CROCC: variants seen among roughly 807,000 people sequenced by gnomAD.
CROCC encodes ciliary rootlet coiled-coil, rootletin, also known as rootletin.
CROCC carries 180 observed loss-of-function variants against 245.2 expected under a neutral mutation model. That is an observed-to-expected ratio of 0.73 (90% confidence interval 0.65 to 0.83). The LOEUF is 0.83. Among genes scored for constraint, CROCC ranks in the 40% least tolerant of loss-of-function variants. CROCC has a pLI of 0.00. For missense variants in CROCC, 2,688 were observed against 2,779.4 expected, an observed-to-expected ratio of 0.97 and a Z score of 0.74; for synonymous variants, 1,205 against 1,241.6, an observed-to-expected ratio of 0.97 and a Z score of 0.62.
chr1:16,956,022 G>A lies in CROCC; in HGVS notation c.3730G>A (p.Glu1244Lys), dbSNP rs1314929249. Residue 1244 changes from glutamate (E) to lysine (K), a missense_variant, in exon 25 of 37, where the codon GAG becomes AAG. Coordinates refer to ENST00000375541, the MANE Select transcript of CROCC (RefSeq NM_014675.5). ...CCTGAAGCTTGCCAATGAGGACAAG[G>A]AGCAGAAGCTGGCACTCCTAGAGGA... ...ISLKLANEDK[E>K]QKLALLEEAR... The A allele has an allele frequency of 1.3e-6, 2 of 1,550,802 alleles. No homozygotes were observed. Among genetic ancestry groups the A allele is most frequent in the African/African-American group, 2.7e-5 (2 of 73,038 alleles).
intron 14 of CROCC, 97 bp from the exon 15 acceptor site, chr1:16,945,365 T>A: frequency 6.4e-7 from 1 of 1,556,090 alleles, no homozygotes; most frequent in Non-Finnish European, 8.7e-7. Context: ...TCCAAACTCC[T>A]GCCTCAGGCC....
rs971670313 is a variant in CROCC at position 16,960,762 on chromosome 1, A to G, written c.4037A>G (p.Gln1346Arg). 1.4e-5 allele frequency: 22 copies of G among 1,529,290 alleles called. No homozygotes were observed. Among genetic ancestry groups the G allele is most frequent in the Middle Eastern group, 2.3e-4 (1 of 4,304 alleles). 94.7% of individuals were successfully genotyped at this position (1,529,290 alleles called of 1,614,324 possible). A position where few individuals can be genotyped will look rare whatever the true frequency, so the allele number is the denominator to read the frequency against. The change falls in exon 27 of 37, where the codon CAG becomes CGG. Residue 1346 changes from glutamine (Q) to arginine (R), a missense_variant. By Grantham distance (43) the Gln-to-Arg change is conservative. Transcript: ENST00000375541. ...CACCTCCTGGCATCACTCCAGCTCCAGGTAGCCCAGCGGAAGCTGCAGGAA... is the reference window on the plus strand; with the variant it reads ...CACCTCCTGGCATCACTCCAGCTCCGGGTAGCCCAGCGGAAGCTGCAGGAA... ...ASLEVMRQEL[Q>R]VAQRKLQEQE...
chr1:16,938,359 C>G, intron 10 of CROCC, 41 bp from the exon 11 acceptor site: 1 of 1,525,016 alleles, frequency 6.6e-7, no homozygotes, highest in Non-Finnish European at 8.9e-7. Context: ...TCAGATAAGA[C>G]AGAACCCCAA....
chr1:16,967,057 AAG>A (rs1473056112), intron 30 of CROCC, among the ~76,000 whole-genome samples: 1 of 81,320 alleles, frequency 1.2e-5, no homozygotes, highest in Non-Finnish European at 3.2e-5. Context: ...TAAAAAAGAA[AAG>A]AAAAAAAAAA....
rs1318964698 is a variant in CROCC at position 16,966,563 on chromosome 1, G to T, written c.4852G>T (p.Ala1618Ser). ...SLQATESELR[A>S]SQEKISKMKA... ...GCAGGCCACCGAGAGCGAGCTCCGG[G>T]CCAGCCAGGTGGGCAGGAGCTGAGG... Residue 1618 changes from alanine (A) to serine (S), a missense_variant, in exon 30 of 37, where the codon GCC becomes TCC. By Grantham distance (99) the Ala-to-Ser change is moderately conservative. Coordinates refer to ENST00000375541, the MANE Select transcript of CROCC (RefSeq NM_014675.5). The surrounding 1 kb of genome is among the most constrained non-coding windows in gnomAD (Gnocchi z 4.8). 8 of 1,482,826 alleles carry T rather than the reference G, an allele frequency of 5.4e-6. No homozygotes were observed. The South Asian group carries it at 1.0e-4, about 19-fold the overall frequency. 91.9% of individuals were successfully genotyped at this position (1,482,826 alleles called of 1,614,324 possible).
At chr1:16,958,802 G>A (rs2076286759) in intron 26 of CROCC, 52 bp downstream of exon 26, 1 of 1,530,732 alleles carries the variant, frequency 6.5e-7, no homozygotes, top group South Asian at 1.2e-5. Flanking sequence ...CCAGCAGGAA[G>A]CAGGTGGGCA....
At position 16,946,415 on chromosome 1, in the gene CROCC, G is replaced by T. The variant is rs373039212; in HGVS notation, c.2283+10G>T. 257 of 1,607,006 alleles carry T rather than the reference G, an allele frequency of 1.6e-4. No homozygotes were observed. The African/African-American group carries it at 3.2e-3, about 20-fold the overall frequency. ...CCGCCTTGTCGCCCAGGTACGCTGTGCACCTGCGGGCCCACCTGCCTTGCC... is the reference window on the plus strand; with the variant it reads ...CCGCCTTGTCGCCCAGGTACGCTGTTCACCTGCGGGCCCACCTGCCTTGCC... On this transcript the variant is annotated intron_variant, in intron 16 of 36. Coordinates refer to ENST00000375541, the MANE Select transcript of CROCC (RefSeq NM_014675.5).
Position 16,940,060 on chromosome 1 carries a change from A to G in CROCC, c.1775A>G (p.Gln592Arg). The G allele has an allele frequency of 6.2e-7, 1 of 1,608,908 alleles. No homozygotes were observed. The highest frequency in any genetic ancestry group is 8.5e-7 in the Non-Finnish European group (1 of 1,178,718). The change falls in exon 13 of 37, where the codon CAG (glutamine) becomes CGG (arginine). Residue 592 changes from glutamine (Q) to arginine (R), a missense_variant. Physicochemically the swap from Gln to Arg is conservative, Grantham distance 43 (BLOSUM62 1). This residue lies in a region of CROCC where 972 missense variants were observed against 895.3 expected (regional missense o/e 1.09). Transcript: ENST00000375541. ...QAHEDAQREV[Q>R]RLRSANELLS... is the part of the protein sequence containing the mutation. ...CACGAGGACGCCCAGCGCGAGGTGCAGCGGCTGCGGAGCGCCAACGAGCTC... is the reference window on the plus strand; with the variant it reads ...CACGAGGACGCCCAGCGCGAGGTGCGGCGGCTGCGGAGCGCCAACGAGCTC...
At chr1:16,950,338 C>T (rs2076138062) in intron 19 of CROCC, among the ~76,000 whole-genome samples, 1 of 149,760 alleles carries the variant, frequency 6.7e-6, no homozygotes, top group South Asian at 2.1e-4. Context: ...TGCTGGATTA[C>T]AGGCATGAGC....
chr1:16,958,740 T>TG lies in CROCC; in HGVS notation c.4023dup (p.Arg1342AlafsTer36). ...AAGGGCGAGGCCAGCCTGGAGGTGA[T>TG]GCGGCAGGAGGTAACTGAGCAGGCG... On this transcript the variant is annotated frameshift_variant, in exon 26 of 37. Transcript: ENST00000375541. LOFTEE classifies it high-confidence loss of function. 6.4e-7 allele frequency: 1 copy of TG among 1,560,056 alleles called. No homozygotes were observed. Among genetic ancestry groups the TG allele is most frequent in the South Asian group, 1.2e-5 (1 of 84,718 alleles).
At position 16,954,499 on chromosome 1, in the gene CROCC, G is replaced by C. The variant is rs2076216186; in HGVS notation, c.3321+142G>C. On this transcript the variant is annotated intron_variant, in intron 22 of 36. Transcript: ENST00000375541. This position sits in a 1 kb window ranked among gnomAD's most constrained non-coding sequence, Gnocchi z 4.4. Reference sequence around the variant, plus strand: ...AGGAGGTTTAGCCCTTCTTTTGGGAGCCCCCATCTGAGGGAGGTGGCTCAG... The same window carrying C: ...AGGAGGTTTAGCCCTTCTTTTGGGACCCCCCATCTGAGGGAGGTGGCTCAG... The C allele has an allele frequency of 7.8e-7, 1 of 1,289,552 alleles. No homozygotes were observed. Among genetic ancestry groups the C allele is most frequent in the Non-Finnish European group, 1.0e-6 (1 of 954,224 alleles). The allele number at this position is 1,289,552 out of a possible 1,614,324, so 79.9% of individuals were successfully genotyped here. A position where few individuals can be genotyped will look rare whatever the true frequency, so the allele number is the denominator to read the frequency against.
chr1:16,959,508 C>T (rs550410890), intron 26 of CROCC, among the ~76,000 whole-genome samples: 4 of 152,268 alleles, frequency 2.6e-5, no homozygotes, highest in South Asian at 4.1e-4. Flanking sequence ...TGCCTCAGAG[C>T]GCTCATGAGA....
chr1:16,938,855 AC>A (rs2075850101), intron 11 of CROCC, 53 bp from the exon 12 acceptor site: 1 of 1,546,588 alleles, frequency 6.5e-7, no homozygotes, highest in Admixed American at 1.9e-5. Context: ...TGCCCAGCTA[AC>A]CCCGCGGTTC....
chr1:16,934,180 T>A (rs1263334226), intron 8 of CROCC, among the ~76,000 whole-genome samples: 2 of 152,400 alleles, frequency 1.3e-5, no homozygotes, highest in South Asian at 4.1e-4. Flanking sequence ...GCTTCTCATT[T>A]AGTCACTCCT....
In CROCC at chr1:16,928,887, C is replaced by T. The variant is rs185373398; in HGVS notation, c.352-959C>T. On this transcript the variant is annotated intron_variant, in intron 3 of 36. Transcript: ENST00000375541. Reference sequence around the variant, plus strand: ...TGTCGCCCAGGCTGGAGTGCAGTGGCACGATCTCGGCTCACTGCAACCTCC... The same window carrying T: ...TGTCGCCCAGGCTGGAGTGCAGTGGTACGATCTCGGCTCACTGCAACCTCC... Among the ~76,000 whole-genome samples, 765 of 152,152 alleles carry T rather than the reference C, an allele frequency of 5.0e-3. 1 individual carries two copies. Among genetic ancestry groups the T allele is most frequent in the African/African-American group, 0.018 (730 of 41,458 alleles).
At position 16,966,520 on chromosome 1, in the gene CROCC, C is replaced by A. The variant is rs2076421495; in HGVS notation, c.4809C>A (p.Ala1603=). 1 of 1,525,300 alleles carries A rather than the reference C, an allele frequency of 6.6e-7. No homozygotes were observed. 94.5% of individuals were successfully genotyped at this position (1,525,300 alleles called of 1,614,324 possible). A position where few individuals can be genotyped will look rare whatever the true frequency, so the allele number is the denominator to read the frequency against. Residue 1603 remains alanine (A), a synonymous_variant, in exon 30 of 37, where the codon GCC becomes GCA. Transcript: ENST00000375541. This position sits in a 1 kb window ranked among gnomAD's most constrained non-coding sequence, Gnocchi z 4.8. ...RERRATLDQV[A]TLERSLQATE... is the part of the protein sequence containing the mutation. ...GCCGGGCCACGCTGGACCAGGTGGC[C>A]ACACTGGAGAGGAGCCTGCAGGCCA...
intron 17 of CROCC, 39 bp from the exon 18 acceptor site, chr1:16,948,292 G>C: frequency 6.6e-7 from 1 of 1,505,840 alleles, no homozygotes; most frequent in Non-Finnish European, 8.8e-7. Context: ...CAAGCTGGGG[G>C]ACGCTGGGAG....
intron 8 of CROCC, among the ~76,000 whole-genome samples, chr1:16,935,499 C>T (rs2075768680): frequency 1.3e-5 from 2 of 152,256 alleles, no homozygotes; most frequent in African/African-American, 4.8e-5. Context: ...CGGCTCTCTG[C>T]AAGCTCCGCC....
chr1:16,926,813 G>C (rs746371489), intron 3 of CROCC, among the ~76,000 whole-genome samples: 3 of 152,258 alleles, frequency 2.0e-5, no homozygotes, highest in Non-Finnish European at 4.4e-5. Flanking sequence ...ATTGAATGGC[G>C]GTCTGAGGGC....
Sources: gnomAD v4.1 joint callset for allele counts (sites outside exome capture counted in the v4.1 genomes callset) on GRCh38, gnomAD v4.1.1 for gene constraint, gnomAD v4.1.1 regional missense constraint, Gnocchi (gnomAD v3.1) non-coding constraint, MANE v1.5 for transcripts, NCBI Gene and HGNC (gene_info 2026-07-23, HGNC 2026-07-21) for gene names.